TBC1D22A: variants seen among roughly 807,000 people sequenced by gnomAD.
The protein encoded by TBC1D22A is TBC1 domain family member 22A, also known as putative GTPase activator.
A neutral mutation model predicts 60.2 loss-of-function variants in TBC1D22A; 38 were observed. That is an observed-to-expected ratio of 0.63 (90% CI 0.49 to 0.83). The LOEUF is 0.83. Ranked by LOEUF, TBC1D22A falls within the 40% of genes least tolerant of loss-of-function variation. The pLI is 0.00. For synonymous variants in TBC1D22A, 302 were observed against 281.7 expected, an observed-to-expected ratio of 1.07 and a Z score of -0.72; for missense variants, 628 against 701.0, an observed-to-expected ratio of 0.90 and a Z score of 1.18.
intron 12 of TBC1D22A, among the ~76,000 whole-genome samples, chr22:47,159,910 CAT>C (rs34336458): frequency 0.47 from 71,245 of 151,548 alleles, 17,094 homozygotes; most frequent in East Asian, 0.71. Flanking sequence ...ACACCACACA[CAT>C]GTGCCACATA....
intron 11 of TBC1D22A, among the ~76,000 whole-genome samples, chr22:47,063,525 G>C (rs1840157139): frequency 1.3e-5 from 2 of 152,102 alleles, no homozygotes; most frequent in Admixed American, 1.3e-4. Context: ...GGTACTACCA[G>C]CCTCGTGCCT....
At position 46,793,754 on chromosome 22, in the gene TBC1D22A, A is replaced by T. The variant is rs1322410409; in HGVS notation, c.373A>T (p.Arg125Trp). ...QEGPGLQQKP[R>W]PEAEPPSPPS... Reference sequence around the variant, plus strand: ...GGGGCCAGGGCTTCAGCAGAAGCCCAGGCCCGAGGCAGAGCCGCCCTCACC... The same window carrying T: ...GGGGCCAGGGCTTCAGCAGAAGCCCTGGCCCGAGGCAGAGCCGCCCTCACC... Residue 125 changes from arginine (R) to tryptophan (W), a missense_variant, in exon 3 of 13, where the codon AGG (arginine) becomes TGG (tryptophan). Transcript: ENST00000337137. 1 of 1,604,462 alleles carries T rather than the reference A, an allele frequency of 6.2e-7. No homozygotes were observed. The highest frequency in any genetic ancestry group is 8.5e-7 in the Non-Finnish European group (1 of 1,176,756).
At chr22:46,802,162 C>T (rs2084926298) in intron 4 of TBC1D22A, among the ~76,000 whole-genome samples, 1 of 152,220 alleles carries the variant, frequency 6.6e-6, no homozygotes, top group South Asian at 2.1e-4. Flanking sequence ...TATGTAGAGT[C>T]ACTCATCCAG....
intron 1 of TBC1D22A, among the ~76,000 whole-genome samples, chr22:46,773,065 A>G (rs1008286766): frequency 2.0e-5 from 3 of 152,234 alleles, no homozygotes; most frequent in Non-Finnish European, 4.4e-5. Context: ...GCTCACTTGC[A>G]GGGGCCTGTC....
chr22:46,936,063 G>A (rs187940127), intron 8 of TBC1D22A, among the ~76,000 whole-genome samples: 3 of 152,266 alleles, frequency 2.0e-5, no homozygotes, highest in African/African-American at 7.2e-5. Flanking sequence ...TTAATGCCAG[G>A]CTCTGAGTGC....
Position 46,986,347 on chromosome 22 carries a change from G to C in TBC1D22A, c.1126-11287G>C, listed in dbSNP as rs1046195120. 4.0e-5 allele frequency among the ~76,000 whole-genome samples: 6 copies of C among 150,806 alleles called. No homozygotes were observed. The East Asian group carries it at 1.2e-3, about 29-fold the overall frequency. On this transcript the variant is annotated intron_variant, in intron 9 of 12. Transcript: ENST00000337137. ...CCTCTTTGTTCTTTTAAAAAATTAA[G>C]TATTTTTGGTCCTTTGCATTTTTAT...
At chr22:47,133,813 C>A (rs1044854167) in intron 12 of TBC1D22A, among the ~76,000 whole-genome samples, 2 of 152,168 alleles carry the variant, frequency 1.3e-5, no homozygotes. Flanking sequence ...GATCCAGCAG[C>A]GGCTTCAGGC....
At chr22:47,110,746 A>T (rs2065815916) in intron 11 of TBC1D22A, among the ~76,000 whole-genome samples, 1 of 152,200 alleles carries the variant, frequency 6.6e-6, no homozygotes, top group East Asian at 1.9e-4. Context: ...GCACCCCAAG[A>T]ACTGGAGTTT....
intron 10 of TBC1D22A, among the ~76,000 whole-genome samples, chr22:46,998,634 G>T (rs1407643411): frequency 6.6e-6 from 1 of 152,256 alleles, no homozygotes; most frequent in East Asian, 1.9e-4. Flanking sequence ...TTCACGGGAA[G>T]GGCGCTCGGT....
At chr22:46,981,559 G>C (rs1359767373) in intron 9 of TBC1D22A, among the ~76,000 whole-genome samples, 1 of 152,206 alleles carries the variant, frequency 6.6e-6, no homozygotes, top group Non-Finnish European at 1.5e-5. Flanking sequence ...CTGTTCTCTT[G>C]ATAGTGAGTG....
intron 8 of TBC1D22A, among the ~76,000 whole-genome samples, chr22:46,954,040 C>A (rs983698095): frequency 6.6e-6 from 1 of 151,872 alleles, no homozygotes; most frequent in African/African-American, 2.4e-5. Flanking sequence ...TTGAATTCAT[C>A]CTCTTCAGAA....
At chr22:46,973,989 A>G (rs1410304722) in intron 8 of TBC1D22A, among the ~76,000 whole-genome samples, 1 of 152,242 alleles carries the variant, frequency 6.6e-6, no homozygotes, top group African/African-American at 2.4e-5. Context: ...TAAGTAATAT[A>G]TTCTATTTTC....
At chr22:46,946,766 G>A (rs1433695889) in intron 8 of TBC1D22A, among the ~76,000 whole-genome samples, 1 of 152,170 alleles carries the variant, frequency 6.6e-6, no homozygotes, top group African/African-American at 2.4e-5. Context: ...TGAGCCTGGG[G>A]CCCCTTCCTC....
chr22:46,904,129 A>ATCTGTCTGTCTGTCTGTCTG (rs2069232944), intron 7 of TBC1D22A, among the ~76,000 whole-genome samples: 3 of 98,026 alleles, frequency 3.1e-5, no homozygotes, highest in African/African-American at 8.8e-5. Context: ...CTATCTATCT[A>ATCTGTCTGTCTGTCTGTCTG]TCTATCTATC....
intron 12 of TBC1D22A, among the ~76,000 whole-genome samples, chr22:47,140,562 A>T (rs2067044260): frequency 6.6e-6 from 1 of 151,686 alleles, no homozygotes; most frequent in African/African-American, 2.4e-5. Context: ...TCAAAAAAAA[A>T]AAAAAAAGAA....
chr22:46,835,720 A>G (rs772064600), intron 4 of TBC1D22A, among the ~76,000 whole-genome samples: 7 of 152,226 alleles, frequency 4.6e-5, no homozygotes, highest in Admixed American at 2.6e-4. Context: ...AGAAATAGCC[A>G]GACTCAAGAA....
At chr22:47,127,173 G>T (rs1294314189) in intron 12 of TBC1D22A, among the ~76,000 whole-genome samples, 3 of 151,200 alleles carry the variant, frequency 2.0e-5, no homozygotes, top group Non-Finnish European at 4.4e-5. Flanking sequence ...ACTACTCCTT[G>T]CCCCATGTGG....
chr22:47,113,327 G>A (rs987946681), intron 12 of TBC1D22A, among the ~76,000 whole-genome samples: 2 of 152,208 alleles, frequency 1.3e-5, no homozygotes, highest in Non-Finnish European at 2.9e-5. Context: ...TCCTGCCTCG[G>A]TGGTGTCTGT....
chr22:46,841,047 G>GTGTGTGTGTGTGTGT (rs1555909300), intron 4 of TBC1D22A, among the ~76,000 whole-genome samples: 2 of 147,438 alleles, frequency 1.4e-5, no homozygotes, highest in African/African-American at 5.1e-5. Flanking sequence ...AATGAAAATG[G>GTGTGTGTGTGTGTGT]GTGTGTGTGT....
Sources: allele counts gnomAD v4.1 joint callset (sites outside exome capture counted in the v4.1 genomes callset), GRCh38; gene constraint gnomAD v4.1.1; transcripts MANE v1.5; gene names NCBI Gene and HGNC (gene_info 2026-07-23, HGNC 2026-07-21).